The following UNC13C variants were observed in gnomAD, a reference collection of about 807,000 sequenced individuals.
UNC13C encodes protein unc-13 homolog C.
A neutral mutation model predicts 245.4 loss-of-function variants in UNC13C; 174 were observed. The observed-to-expected ratio is 0.71, with a 90% CI of 0.63 to 0.80. UNC13C has a LOEUF of 0.80. Among genes scored for constraint, UNC13C ranks in the 30% least tolerant of loss-of-function variants. The probability of loss-of-function intolerance (pLI) is 0.00; values close to 1 mark genes in which losing one functional copy is unlikely to be tolerated. For missense variants in UNC13C, 2,829 were observed against 2,602.9 expected, an observed-to-expected ratio of 1.09 and a Z score of -1.89; for synonymous variants, 992 against 895.1, an observed-to-expected ratio of 1.11 and a Z score of -1.93.
At chr15:53,977,485 A>G (rs1893747890), upstream of UNC13C, among the ~76,000 whole-genome samples, 1 of 152,184 alleles carries the variant, frequency 6.6e-6, no homozygotes, top group African/African-American at 2.4e-5. Context: ...TATGCTTCCT[A>G]TACTGTTTAA....
At chr15:54,126,873 AC>A (rs2141205755) in intron 2 of UNC13C, among the ~76,000 whole-genome samples, 1 of 152,274 alleles carries the variant, frequency 6.6e-6, no homozygotes, top group Admixed American at 6.5e-5. Context: ...GAAAAAAACA[AC>A]CCCATCAAAG....
the UNC13C span, among the ~76,000 whole-genome samples, chr15:53,843,250 G>T: frequency 6.6e-6 from 1 of 152,040 alleles, no homozygotes; most frequent in Non-Finnish European, 1.5e-5. Flanking sequence ...AACCAGCCTG[G>T]GCAACATGGC....
chr15:54,225,621 G>T (rs1181114583), intron 4 of UNC13C, among the ~76,000 whole-genome samples: 6 of 152,116 alleles, frequency 3.9e-5, no homozygotes, highest in African/African-American at 1.4e-4. Context: ...TCTGTCATTG[G>T]TGTAAAGGAA....
At chr15:54,216,074 A>G (rs936570148) in intron 4 of UNC13C, among the ~76,000 whole-genome samples, 1 of 151,850 alleles carries the variant, frequency 6.6e-6, no homozygotes, top group East Asian at 1.9e-4. Flanking sequence ...ATGAGAGAGG[A>G]TGTGAGGATG....
chr15:54,416,619 C>T (rs1300384732), intron 19 of UNC13C, among the ~76,000 whole-genome samples: 1 of 152,168 alleles, frequency 6.6e-6, no homozygotes, highest in Non-Finnish European at 1.5e-5. Context: ...GATTCTCTTA[C>T]ATCAGACAGG....
At position 54,061,153 on chromosome 15, in the gene UNC13C, T is replaced by C. The variant is rs1270958959; in HGVS notation, c.2983+45267T>C. Among the ~76,000 whole-genome samples the C allele has an allele frequency of 3.4e-5, 5 of 148,734 alleles. No homozygotes were observed. In the East Asian group the frequency reaches 9.9e-4, roughly 30 times the overall value. The stretch of plus-strand genomic sequence containing the variant: ...AAAAAAGGAATCTAAATTTAAAAAA[T>C]AAAAAAGACAAAAAAAAAAGAAATT... On this transcript the variant is annotated intron_variant, in intron 2 of 32. Transcript: ENST00000260323.
At chr15:54,097,895 C>G (rs1010939111) in intron 2 of UNC13C, among the ~76,000 whole-genome samples, 1 of 152,158 alleles carries the variant, frequency 6.6e-6, no homozygotes, top group Non-Finnish European at 1.5e-5. Flanking sequence ...TACATAGACT[C>G]TGGGGTTTTT....
intron 2 of UNC13C, chr15:54,049,329 G>A (rs1012503137): frequency 2.3e-5 from 12 of 513,726 alleles, no homozygotes; most frequent in African/African-American, 1.2e-4. Context: ...AATATAAATC[G>A]ATACTACTAA....
At chr15:54,490,400 GAAC>G (rs1893642763) in intron 19 of UNC13C, among the ~76,000 whole-genome samples, 1 of 152,166 alleles carries the variant, frequency 6.6e-6, no homozygotes, top group African/African-American at 2.4e-5. Flanking sequence ...TCTTTTGTGG[GAAC>G]AACAGGAATG....
At chr15:53,837,919 T>A in the UNC13C span, among the ~76,000 whole-genome samples, 57 of 152,256 alleles carry the variant, frequency 3.7e-4, no homozygotes, top group East Asian at 8.7e-3. Context: ...TCTGAGTTTT[T>A]AAAAAATCAA....
the UNC13C span, among the ~76,000 whole-genome samples, chr15:53,957,190 G>A: frequency 4.9e-4 from 74 of 152,164 alleles, no homozygotes; most frequent in East Asian, 0.013. Context: ...CACTGAGGCT[G>A]GAGTGCAGTG....
chr15:54,068,025 C>T (rs1012613112), intron 2 of UNC13C, among the ~76,000 whole-genome samples: 3 of 152,168 alleles, frequency 2.0e-5, no homozygotes, highest in African/African-American at 7.2e-5. Flanking sequence ...GAAGCAGTCT[C>T]TGTCATTTTC....
intron 2 of UNC13C, among the ~76,000 whole-genome samples, chr15:54,137,665 A>G (rs1160430546): frequency 2.0e-5 from 3 of 152,008 alleles, no homozygotes; most frequent in African/African-American, 4.8e-5. Context: ...TACCAGTTGT[A>G]ATGTTGCTCT....
chr15:54,434,093 A>G (rs1350424281), intron 19 of UNC13C, among the ~76,000 whole-genome samples: 1 of 152,120 alleles, frequency 6.6e-6, no homozygotes, highest in African/African-American at 2.4e-5. Flanking sequence ...AGACACAAAC[A>G]AATGGAAATA....
intron 19 of UNC13C, among the ~76,000 whole-genome samples, chr15:54,448,444 G>A (rs940230831): frequency 1.3e-5 from 2 of 152,178 alleles, no homozygotes; most frequent in African/African-American, 4.8e-5. Flanking sequence ...CTTCCTTTAT[G>A]AATCTGGGTG....
the UNC13C span, chr15:53,910,898 T>A: frequency 2.7e-5 from 4 of 150,112 alleles, no homozygotes; most frequent in African/African-American, 9.7e-5. Context: ...TACCTGACAA[T>A]TGCGACGTTG....
intron 26 of UNC13C, among the ~76,000 whole-genome samples, chr15:54,545,113 G>A (rs1457193597): frequency 6.6e-5 from 10 of 152,052 alleles, no homozygotes; most frequent in Admixed American, 5.9e-4. Flanking sequence ...TAGACCAATG[G>A]AACAGAACAG....
intron 13 of UNC13C, among the ~76,000 whole-genome samples, chr15:54,310,895 CTGTT>C (rs780106724): frequency 2.2e-4 from 33 of 151,682 alleles, no homozygotes; most frequent in Non-Finnish European, 3.4e-4. Flanking sequence ...TAAGATTTGT[CTGTT>C]TTTCTTTTTT....
chr15:54,553,043 T>C (rs1409900586), intron 28 of UNC13C, among the ~76,000 whole-genome samples: 2 of 100,404 alleles, frequency 2.0e-5, no homozygotes, highest in Non-Finnish European at 3.6e-5. Context: ...ATAATATATA[T>C]TGTATTCTAT....
Sources: allele counts gnomAD v4.1 joint callset (sites outside exome capture counted in the v4.1 genomes callset), GRCh38; gene constraint gnomAD v4.1.1; transcripts MANE v1.5; gene names NCBI Gene and HGNC (gene_info 2026-07-23, HGNC 2026-07-21).